NPHP1: variants seen among roughly 807,000 people sequenced by gnomAD.
The protein encoded by NPHP1 is nephrocystin-1.
NPHP1 carries 70 observed loss-of-function variants against 90.4 expected under a neutral mutation model. That is an observed-to-expected ratio of 0.77 (90% CI 0.64 to 0.95). The LOEUF is 0.95. NPHP1 is among the 40% of genes least tolerant of loss of function. The pLI is 0.00. For missense variants in NPHP1, 764 were observed against 795.9 expected (o/e 0.96, Z 0.48); for synonymous variants, 256 against 271.7 (o/e 0.94, Z 0.57).
At chr2:110,129,431 T>G (rs924397190) in intron 17 of NPHP1, among the ~76,000 whole-genome samples, 172 bp from the exon 18 acceptor site, 1 of 152,196 alleles carries the variant, frequency 6.6e-6, no homozygotes, top group African/African-American at 2.4e-5. Flanking sequence ...CAACCTTCAT[T>G]TGCCCCTATA....
intron 7 of NPHP1, 105 bp downstream of exon 7, chr2:110,164,947 C>T (rs2104561309): frequency 1.0e-6 from 1 of 972,740 alleles, no homozygotes; most frequent in Admixed American, 1.9e-5. Context: ...TCTCCAGGTA[C>T]AAGTTGTCTC....
chr2:110,139,687 C>T (rs1013753534), intron 16 of NPHP1, among the ~76,000 whole-genome samples: 14 of 152,200 alleles, frequency 9.2e-5, no homozygotes, highest in African/African-American at 3.4e-4. Flanking sequence ...TTGGCCTTGT[C>T]TCCACTGTCT....
At chr2:110,202,238 C>T in intron 1 of NPHP1, 1 of 263,714 alleles carries the variant, frequency 3.8e-6, no homozygotes, top group South Asian at 4.2e-5. Context: ...CAAAAAGGCA[C>T]ATACTTCTTT....
intron 14 of NPHP1, among the ~76,000 whole-genome samples, chr2:110,144,846 T>C (rs1164411203): frequency 6.6e-6 from 1 of 152,122 alleles, no homozygotes; most frequent in Admixed American, 6.6e-5. Context: ...TTAATTCAAG[T>C]CATTAACGTG....
Position 110,152,487 on chromosome 2 carries a change from GCT to G in NPHP1, c.1084-2233_1084-2232del, listed in dbSNP as rs577930195. 4.1e-4 allele frequency among the ~76,000 whole-genome samples: 62 copies of G among 151,764 alleles called. 1 individual carries two copies. In the East Asian group the frequency reaches 0.011, roughly 28 times the overall value. ...GAGACAAAAACTAGAGGTTTCCTGG[GCT>G]CTGAGTCCAGAAGGAGCATGGGGTA... On this transcript the variant is annotated intron_variant, in intron 11 of 19. Transcript: ENST00000445609.
At chr2:110,184,137 G>C in intron 2 of NPHP1, 1 of 554,158 alleles carries the variant, frequency 1.8e-6, no homozygotes, top group Non-Finnish European at 3.6e-6. Flanking sequence ...TTTTGCTGGT[G>C]ATCAGATCCA....
chr2:110,191,932 C>A (rs1217176842), intron 2 of NPHP1, among the ~76,000 whole-genome samples: 2 of 152,146 alleles, frequency 1.3e-5, no homozygotes, highest in African/African-American at 4.8e-5. Flanking sequence ...TCCAACAGAC[C>A]TGCAGCTGAG....
intron 2 of NPHP1, among the ~76,000 whole-genome samples, chr2:110,199,363 G>C (rs904535512): frequency 6.6e-6 from 1 of 151,852 alleles, no homozygotes; most frequent in African/African-American, 2.4e-5. Flanking sequence ...GAACCCAGGA[G>C]GCAGAGGTTG....
intron 16 of NPHP1, among the ~76,000 whole-genome samples, chr2:110,137,386 C>T (rs1663453001): frequency 6.6e-6 from 1 of 152,038 alleles, no homozygotes; most frequent in Non-Finnish European, 1.5e-5. Flanking sequence ...AGTGAACAGG[C>T]AACCTACAGA....
intron 2 of NPHP1, among the ~76,000 whole-genome samples, chr2:110,189,256 C>T (rs1684508643): frequency 1.3e-5 from 2 of 152,108 alleles, no homozygotes; most frequent in Admixed American, 6.5e-5. Context: ...CGTGGACCCT[C>T]GCAGTGAGTG....
chr2:110,126,332 C>G (rs1370961573), intron 18 of NPHP1: 1 of 153,216 alleles, frequency 6.5e-6, no homozygotes, highest in Admixed American at 6.5e-5. Context: ...AGTAGATATC[C>G]TCCTGTTGGC....
intron 16 of NPHP1, among the ~76,000 whole-genome samples, chr2:110,137,021 A>AT (rs1158278292): frequency 6.6e-6 from 1 of 152,158 alleles, no homozygotes; most frequent in East Asian, 1.9e-4. Flanking sequence ...ATAATGCCGC[A>AT]TATCTACAAC....
At chr2:110,173,251 C>A (rs920856388) in intron 4 of NPHP1, among the ~76,000 whole-genome samples, 12 of 152,094 alleles carry the variant, frequency 7.9e-5, no homozygotes, top group Admixed American at 7.2e-4. Flanking sequence ...GCAGTGATTT[C>A]TAATTATTTT....
chr2:110,161,403 T>A (rs1682316241), intron 10 of NPHP1, among the ~76,000 whole-genome samples, 200 bp downstream of exon 10: 1 of 152,140 alleles, frequency 6.6e-6, no homozygotes, highest in African/African-American at 2.4e-5. Context: ...AAGAGTGCAA[T>A]GGAGAAGAGA....
rs530669562 is a variant in NPHP1 at position 110,190,530 on chromosome 2, G to A, written c.144-10846C>T. Among the ~76,000 whole-genome samples the A allele has an allele frequency of 5.9e-5, 9 of 152,296 alleles. No individual in the cohort carries two copies. The East Asian group carries it at 1.4e-3, about 23-fold the overall frequency. ...CCACGCCCACCCGGAACTCACGCTG[G>A]CCCACAAGCACCGTGTGCAGGCCCG... On this transcript the variant is annotated intron_variant, in intron 2 of 19. Transcript: ENST00000445609.
At chr2:110,139,538 T>G (rs1680473664) in intron 16 of NPHP1, among the ~76,000 whole-genome samples, 1 of 152,172 alleles carries the variant, frequency 6.6e-6, no homozygotes, top group African/African-American at 2.4e-5. Context: ...TAATTCACAT[T>G]TTCACAGGAT....
chr2:110,199,614 C>T (rs1170375345), intron 2 of NPHP1, among the ~76,000 whole-genome samples: 1 of 151,706 alleles, frequency 6.6e-6, no homozygotes, highest in Non-Finnish European at 1.5e-5. Context: ...CAGAGTGAGA[C>T]CCCCCACATC....
chr2:110,149,247 C>T (rs1387387756), intron 12 of NPHP1, among the ~76,000 whole-genome samples: 2 of 152,170 alleles, frequency 1.3e-5, no homozygotes, highest in Admixed American at 1.3e-4. Context: ...AAAATGCTTG[C>T]ACATAACTGA....
intron 19 of NPHP1, chr2:110,125,295 C>A (rs1362830744): frequency 6.5e-7 from 1 of 1,532,686 alleles, no homozygotes; most frequent in Non-Finnish European, 8.7e-7. Flanking sequence ...TTTTTTTTTC[C>A]CTTCTCTTGG....
Sources: gnomAD v4.1 joint callset for allele counts (sites outside exome capture counted in the v4.1 genomes callset) on GRCh38, gnomAD v4.1.1 for gene constraint, MANE v1.5 for transcripts, NCBI Gene and HGNC (gene_info 2026-07-23, HGNC 2026-07-21) for gene names.